GRID2IP: variants seen among roughly 807,000 people sequenced by gnomAD.
GRID2IP encodes the protein Grid2 interacting protein.
In GRID2IP, 78 loss-of-function variants were observed where a neutral mutation model predicts 114.3. That is an observed-to-expected ratio of 0.68 (90% confidence interval 0.57 to 0.82). The LOEUF (loss-of-function observed/expected upper bound fraction) is 0.82, where lower values mean the gene tolerates loss of function less well. Among genes scored for constraint, GRID2IP ranks in the 40% least tolerant of loss-of-function variants. The probability of loss-of-function intolerance (pLI) is 0.00; values close to 1 mark genes in which losing one functional copy is unlikely to be tolerated. For synonymous variants in GRID2IP, 809 were observed against 724.0 expected, an observed-to-expected ratio of 1.12 and a Z score of -1.89; for missense variants, 1,727 against 1,678.5, an observed-to-expected ratio of 1.03 and a Z score of -0.51.
chr7:6,546,065 C>T (rs1421722853), intron 1 of GRID2IP, among the ~76,000 whole-genome samples: 1 of 151,966 alleles, frequency 6.6e-6, no homozygotes, highest in African/African-American at 2.4e-5. Flanking sequence ...GAGGTATCAT[C>T]ACGGGACACT....
chr7:6,543,522 T>C (rs1186959258), intron 1 of GRID2IP, among the ~76,000 whole-genome samples: 1 of 152,038 alleles, frequency 6.6e-6, no homozygotes, highest in Non-Finnish European at 1.5e-5. Context: ...TCAAAGATCA[T>C]CTCATCAGGC....
chr7:6,539,451 G>A (rs546757977), intron 2 of GRID2IP, among the ~76,000 whole-genome samples: 1 of 152,248 alleles, frequency 6.6e-6, no homozygotes, highest in Admixed American at 6.5e-5. Flanking sequence ...GGATCAGAAG[G>A]TGGATCCTTT....
At position 6,532,387 on chromosome 7, in the gene GRID2IP, G is replaced by GGGGCAGCCTGTGGGTACCTGC. The variant is rs1195773383; in HGVS notation, c.585-5639_585-5619dup. 3.3e-5 allele frequency among the ~76,000 whole-genome samples: 5 copies of GGGGCAGCCTGTGGGTACCTGC among 152,124 alleles called. No homozygotes were observed. The highest frequency in any genetic ancestry group is 1.2e-4 in the African/African-American group (5 of 41,422). On this transcript the variant is annotated intron_variant, in intron 2 of 21. Transcript: ENST00000457091. The surrounding 1 kb of genome is among the most constrained non-coding windows in gnomAD (Gnocchi z 4.4). ...TCTCACTCAGAGGGACAGCTCCCAT[G>GGGGCAGCCTGTGGGTACCTGC]GGGCAGCCTGTGGGTACCTGCAGGC...
chr7:6,541,056 T>C (rs1440173103), intron 1 of GRID2IP, among the ~76,000 whole-genome samples: 1 of 151,976 alleles, frequency 6.6e-6, no homozygotes, highest in Non-Finnish European at 1.5e-5. Flanking sequence ...TAATTAAATT[T>C]TTTTTTTCTA....
At chr7:6,539,957 A>T in intron 1 of GRID2IP, 85 bp from the exon 2 acceptor site, 1 of 1,300,802 alleles carries the variant, frequency 7.7e-7, no homozygotes, top group Non-Finnish European at 1.1e-6. Flanking sequence ...TTCCTCCCTC[A>T]GTTTACCTAC....
chr7:6,533,483 C>G (rs1351869400), intron 2 of GRID2IP, among the ~76,000 whole-genome samples: 1 of 151,274 alleles, frequency 6.6e-6, no homozygotes, highest in Non-Finnish European at 1.5e-5. Context: ...CTCAGCCTCC[C>G]AAATAGCTAG....
chr7:6,508,196 C>T lies in GRID2IP; in HGVS notation c.2333G>A (p.Arg778Gln), dbSNP rs958434719. The change falls in exon 13 of 22, where the codon CGG becomes CAG. Residue 778 changes from arginine to glutamine, a missense_variant. Arg to Gln is a conservative substitution (Grantham distance 43). Coordinates refer to ENST00000457091, the MANE Select transcript of GRID2IP (RefSeq NM_001145118.2). This position sits in a 1 kb window ranked among gnomAD's most constrained non-coding sequence, Gnocchi z 5.6. ...KPSSRSSDGS[R>Q]GPAQALAKPL... ...CTTGGCCAGCGCCTGAGCAGGGCCC[C>T]GGGAACCATCAGAGCTGCGGGAGCT... is the stretch of plus-strand genomic sequence containing the variant. The T allele has an allele frequency of 4.2e-5, 57 of 1,365,902 alleles. No individual in the cohort carries two copies. The highest frequency in any genetic ancestry group is 1.1e-4 in the South Asian group (8 of 75,302). The allele number at this position is 1,365,902 out of a possible 1,614,324, so 84.6% of individuals were successfully genotyped here.
At chr7:6,550,979 C>CAA in intron 1 of GRID2IP, 29 bp downstream of exon 1, 2 of 1,151,966 alleles carry the variant, frequency 1.7e-6, no homozygotes, top group Non-Finnish European at 2.2e-6. Flanking sequence ...CCCTCCTTCC[C>CAA]GCCCCCACCT....
At position 6,519,916 on chromosome 7, in the gene GRID2IP, A is replaced by C. The variant is rs919948168; in HGVS notation, c.1268+662T>G. Among the ~76,000 whole-genome samples, 1 of 152,110 alleles carries C rather than the reference A, an allele frequency of 6.6e-6. No individual in the cohort carries two copies. The highest frequency in any genetic ancestry group is 2.1e-4 in the South Asian group (1 of 4,828). On this transcript the variant is annotated intron_variant, in intron 7 of 21. Coordinates refer to ENST00000457091, the MANE Select transcript of GRID2IP (RefSeq NM_001145118.2). The surrounding 1 kb of genome is among the most constrained non-coding windows in gnomAD (Gnocchi z 4.1). ...GTCCAAAAAGAAAGACACCAACCCT[A>C]CCCCGAAGGGCCTAGCCCATGACAA...
rs56412371 is a variant in GRID2IP at position 6,509,824 on chromosome 7, G to T, written c.1771+459C>A. 5.6e-4 allele frequency among the ~76,000 whole-genome samples: 85 copies of T among 152,278 alleles called. No homozygotes were observed. Among genetic ancestry groups the T allele is most frequent in the Middle Eastern group, 3.4e-3 (1 of 294 alleles). On this transcript the variant is annotated intron_variant, in intron 11 of 21. Transcript: ENST00000457091. This position sits in a 1 kb window ranked among gnomAD's most constrained non-coding sequence, Gnocchi z 4.9. The stretch of plus-strand genomic sequence containing the variant: ...GGGACTTCCTCAGAATCAGGCATCT[G>T]CCTTCTTTCTTTTTCTTTTTTAAGA...
Position 6,503,170 on chromosome 7 carries a change from C to G in GRID2IP, c.2908-7G>C. ...ATTCGGGAACTGACAGCATCTGCCT[C>G]GAAGGCAGAGCCAGGATTCACCCAT... On this transcript the variant is annotated splice_region_variant and splice_polypyrimidine_tract_variant and intron_variant, in intron 16 of 21. Coordinates refer to ENST00000457091, the MANE Select transcript of GRID2IP (RefSeq NM_001145118.2). 6.6e-7 allele frequency: 1 copy of G among 1,508,570 alleles called. No homozygotes were observed. 93.4% of individuals were successfully genotyped at this position (1,508,570 alleles called of 1,614,324 possible). A position where few individuals can be genotyped will look rare whatever the true frequency, so the allele number is the denominator to read the frequency against.
rs138737205 is a variant in GRID2IP at position 6,547,274 on chromosome 7, C to G, written c.429+3734G>C. Among the ~76,000 whole-genome samples, 475 of 152,260 alleles carry G rather than the reference C, an allele frequency of 3.1e-3. 4 individuals carry two copies. Among genetic ancestry groups the G allele is most frequent in the African/African-American group, 0.011 (454 of 41,536 alleles). On this transcript the variant is annotated intron_variant, in intron 1 of 21. Transcript: ENST00000457091. ...GTTGATTTTGGGTCAGGCACAGTGG[C>G]TCACACCTATAATCCCAGCACTTTG...
Position 6,507,961 on chromosome 7 carries a change from G to A in GRID2IP, c.2544+24C>T, listed in dbSNP as rs192199384. 166 of 1,549,282 alleles carry A rather than the reference G, an allele frequency of 1.1e-4. No homozygotes were observed. In the African/African-American group the frequency reaches 1.8e-3, roughly 17 times the overall value. The stretch of plus-strand genomic sequence containing the variant: ...AAGCCATCCTCCCCCAGTACAGAGC[G>A]CTGCTGGGTCCCAGGTCACCTACCT... On this transcript the variant is annotated intron_variant, in intron 13 of 21. Coordinates refer to ENST00000457091, the MANE Select transcript of GRID2IP (RefSeq NM_001145118.2). This position sits in a 1 kb window ranked among gnomAD's most constrained non-coding sequence, Gnocchi z 5.3.
intron 14 of GRID2IP, 101 bp from the exon 15 acceptor site, chr7:6,504,971 A>G: frequency 2.2e-6 from 2 of 896,176 alleles, no homozygotes; most frequent in Non-Finnish European, 1.8e-6. Context: ...TATCCCCCTA[A>G]GCACGACCTC....
chr7:6,497,867 G>T (rs1212482890), intron 21 of GRID2IP, 22 bp from the exon 22 acceptor site: 1 of 1,543,618 alleles, frequency 6.5e-7, no homozygotes, highest in South Asian at 1.2e-5. Context: ...GAACACAGAG[G>T]TAGGGTGGTC....
chr7:6,502,696 T>C (rs1786452004), intron 18 of GRID2IP, 90 bp downstream of exon 18: 2 of 826,692 alleles, frequency 2.4e-6, no homozygotes, highest in East Asian at 6.8e-5. Flanking sequence ...CGATGTCCTC[T>C]TCTGCCCTCT....
chr7:6,544,373 G>A (rs954320356), intron 1 of GRID2IP, among the ~76,000 whole-genome samples: 1 of 151,702 alleles, frequency 6.6e-6, no homozygotes, highest in Non-Finnish European at 1.5e-5. Flanking sequence ...TCTGCCTCCC[G>A]GGTTCAAGCG....
At chr7:6,511,213 A>C (rs1779148656) in intron 8 of GRID2IP, among the ~76,000 whole-genome samples, 174 bp from the exon 9 acceptor site, 1 of 152,154 alleles carries the variant, frequency 6.6e-6, no homozygotes, top group Non-Finnish European at 1.5e-5. Flanking sequence ...AGGGCAAGAA[A>C]CCAGGTGCCA....
intron 1 of GRID2IP, among the ~76,000 whole-genome samples, chr7:6,543,647 T>C (rs1779845385): frequency 6.6e-6 from 1 of 151,988 alleles, no homozygotes; most frequent in Admixed American, 6.6e-5. Context: ...TCTTGCTCTG[T>C]TGCCCAGGCT....
Sources: gnomAD v4.1 joint callset for allele counts (sites outside exome capture counted in the v4.1 genomes callset) on GRCh38, gnomAD v4.1.1 for gene constraint, Gnocchi (gnomAD v3.1) non-coding constraint, MANE v1.5 for transcripts, NCBI Gene and HGNC (gene_info 2026-07-23, HGNC 2026-07-21) for gene names.